LUZP2: variants seen among roughly 807,000 people sequenced by gnomAD.
LUZP2 encodes the protein leucine zipper protein 2.
LUZP2 carries 52 observed loss-of-function variants against 51.6 expected under a neutral mutation model. The ratio of observed to expected loss-of-function variants is 1.01; its 90% CI spans 0.81 to 1.27. The LOEUF (loss-of-function observed/expected upper bound fraction) is 1.27. Ranked by LOEUF, LUZP2 falls within the 50% of genes most tolerant of loss-of-function variation. The pLI is 0.00. For synonymous variants in LUZP2, 154 were observed against 137.3 expected (o/e 1.12, Z -0.85); for missense variants, 436 against 395.4 (o/e 1.10, Z -0.87).
intron 1 of LUZP2, among the ~76,000 whole-genome samples, chr11:24,720,314 A>G (rs1858215344): frequency 6.6e-6 from 1 of 152,188 alleles, no homozygotes; most frequent in Non-Finnish European, 1.5e-5. Context: ...TTACAAGAAT[A>G]TGAGAGAGAC....
At chr11:24,795,220 A>G (rs1849515478) in intron 5 of LUZP2, among the ~76,000 whole-genome samples, 1 of 152,126 alleles carries the variant, frequency 6.6e-6, no homozygotes, top group African/African-American at 2.4e-5. Flanking sequence ...ATTTGTCATT[A>G]TTCTTATTAT....
chr11:24,832,530 G>A (rs563337478), intron 5 of LUZP2, among the ~76,000 whole-genome samples: 42 of 149,462 alleles, frequency 2.8e-4, no homozygotes, highest in African/African-American at 8.6e-4. Flanking sequence ...TCTTGTTAAT[G>A]ATCCATTCTT....
intron 5 of LUZP2, among the ~76,000 whole-genome samples, chr11:24,781,645 C>T (rs1042253755): frequency 9.2e-5 from 14 of 151,706 alleles, no homozygotes; most frequent in African/African-American, 3.4e-4. Flanking sequence ...CATAACACAT[C>T]ATGGTAATAC....
intron 4 of LUZP2, among the ~76,000 whole-genome samples, chr11:24,761,572 C>G (rs1859980938): frequency 6.6e-6 from 1 of 152,112 alleles, no homozygotes; most frequent in Non-Finnish European, 1.5e-5. Flanking sequence ...GGCTGTGGGC[C>G]ACTCACCTCT....
intron 9 of LUZP2, 33 bp downstream of exon 9, chr11:24,983,326 A>G (rs761241411): frequency 6.2e-7 from 1 of 1,600,684 alleles, no homozygotes; most frequent in Non-Finnish European, 8.5e-7. Flanking sequence ...TTGTAAAGTA[A>G]CAGCAAGTAA....
At chr11:24,851,029 G>A (rs2631456) in intron 5 of LUZP2, among the ~76,000 whole-genome samples, 1 of 152,000 alleles carries the variant, frequency 6.6e-6, no homozygotes, top group Non-Finnish European at 1.5e-5. Flanking sequence ...TAATGGGGTT[G>A]TCTAAATATA....
chr11:25,082,095 TTCAG>T lies in LUZP2; in HGVS notation c.*3441_*3444del, dbSNP rs1217270839. The T allele has an allele frequency of 6.6e-6, 1 of 152,586 alleles. No individual in the cohort carries two copies. The highest frequency in any genetic ancestry group is 2.4e-5 in the African/African-American group (1 of 41,454). The allele number at this position is 152,586 out of a possible 1,614,324, so 9.5% of individuals were successfully genotyped here. On this transcript the variant is annotated 3_prime_UTR_variant, in exon 12 of 12. Transcript: ENST00000336930. The stretch of plus-strand genomic sequence containing the variant: ...AAATGCTCAGAAGAAAAGTGAATAA[TTCAG>T]TCATTCATCTGGATGTAGTTTTCTG...
At chr11:24,989,193 T>C (rs1409847449) in intron 9 of LUZP2, among the ~76,000 whole-genome samples, 1 of 151,902 alleles carries the variant, frequency 6.6e-6, no homozygotes, top group African/African-American at 2.4e-5. Context: ...GTCCCCATAT[T>C]TTATGGGAAT....
intron 1 of LUZP2, among the ~76,000 whole-genome samples, chr11:24,589,832 C>A (rs916700625): frequency 1.3e-5 from 2 of 152,000 alleles, no homozygotes; most frequent in African/African-American, 4.8e-5. Context: ...GAACAAGGAC[C>A]TTTTCAGCTC....
intron 9 of LUZP2, among the ~76,000 whole-genome samples, chr11:24,996,630 T>A (rs1856512168): frequency 1.6e-5 from 2 of 128,316 alleles, no homozygotes; most frequent in South Asian, 5.1e-4. Flanking sequence ...TTATTTTATT[T>A]TATTATACTT....
intron 9 of LUZP2, among the ~76,000 whole-genome samples, chr11:25,030,006 T>G (rs761555080): frequency 1.1e-4 from 16 of 152,110 alleles, no homozygotes; most frequent in Non-Finnish European, 1.6e-4. Flanking sequence ...CCAACCAACA[T>G]AACCACATGA....
intron 9 of LUZP2, among the ~76,000 whole-genome samples, chr11:25,023,275 T>A (rs903805833): frequency 6.6e-6 from 1 of 152,126 alleles, no homozygotes. Flanking sequence ...ATCCATCTAA[T>A]CCCGGACTTT....
At chr11:24,964,217 A>T (rs1172020254) in intron 7 of LUZP2, among the ~76,000 whole-genome samples, 1 of 152,164 alleles carries the variant, frequency 6.6e-6, no homozygotes, top group Non-Finnish European at 1.5e-5. Flanking sequence ...GATTAATGAG[A>T]ATATTTAGAT....
chr11:24,841,407 T>C (rs759631507), intron 5 of LUZP2, among the ~76,000 whole-genome samples: 22 of 152,056 alleles, frequency 1.4e-4, no homozygotes, highest in Non-Finnish European at 1.0e-4. Flanking sequence ...ACCTGGTCTA[T>C]GGTATTTTTG....
chr11:24,988,455 T>C (rs897278427), intron 9 of LUZP2, among the ~76,000 whole-genome samples: 23 of 152,160 alleles, frequency 1.5e-4, no homozygotes, highest in Non-Finnish European at 3.4e-4. Flanking sequence ...GATAAAATAA[T>C]GTTTCCTCAC....
intron 1 of LUZP2, among the ~76,000 whole-genome samples, chr11:24,695,275 G>A (rs1394703070): frequency 6.6e-6 from 1 of 151,824 alleles, no homozygotes; most frequent in Admixed American, 6.6e-5. Flanking sequence ...AAGACATGTG[G>A]GTAAGTGACT....
At chr11:24,551,484 T>G (rs537735146) in intron 1 of LUZP2, among the ~76,000 whole-genome samples, 5 of 152,110 alleles carry the variant, frequency 3.3e-5, no homozygotes, top group African/African-American at 9.6e-5. Context: ...AGGGTTCCTT[T>G]TAGTGGTGTT....
chr11:24,859,308 C>T (rs1413552291), intron 5 of LUZP2, among the ~76,000 whole-genome samples: 5 of 152,016 alleles, frequency 3.3e-5, no homozygotes, highest in Non-Finnish European at 1.5e-5. Flanking sequence ...TGTAGTAGCT[C>T]ATCATTATTT....
intron 1 of LUZP2, among the ~76,000 whole-genome samples, chr11:24,711,646 T>A (rs1405645688): frequency 6.6e-6 from 1 of 152,098 alleles, no homozygotes; most frequent in East Asian, 1.9e-4. Flanking sequence ...TCAGTTACTA[T>A]TTAAAATTTG....
Sources: gnomAD v4.1 joint callset for allele counts (sites outside exome capture counted in the v4.1 genomes callset) on GRCh38, gnomAD v4.1.1 for gene constraint, MANE v1.5 for transcripts, NCBI Gene and HGNC (gene_info 2026-07-23, HGNC 2026-07-21) for gene names.